The following CTNND2 variants were observed in gnomAD, a reference collection of about 807,000 sequenced individuals.
The protein encoded by CTNND2 is catenin delta-2.
Under a neutral mutation model 144.4 loss-of-function variants are expected in CTNND2, and 22 were observed. The observed-to-expected ratio is 0.15, with a 90% CI of 0.11 to 0.22. The LOEUF (loss-of-function observed/expected upper bound fraction) is 0.22, where lower values mean the gene tolerates loss of function less well. CTNND2 is among the 10% of genes least tolerant of loss of function. The pLI, the probability that CTNND2 is intolerant of heterozygous loss-of-function variation, is 1.00. For synonymous variants in CTNND2, 751 were observed against 695.6 expected (o/e 1.08, Z -1.25); for missense variants, 1,353 against 1,618.8 (o/e 0.84, Z 2.82).
intron 2 of CTNND2, among the ~76,000 whole-genome samples, chr5:11,716,909 C>T (rs1288720594): frequency 6.6e-6 from 1 of 151,904 alleles, no homozygotes; most frequent in Non-Finnish European, 1.5e-5. Flanking sequence ...CACTTTGCCA[C>T]CAGGCTGGAG....
intron 5 of CTNND2, among the ~76,000 whole-genome samples, chr5:11,401,650 T>G (rs978759742): frequency 6.6e-6 from 1 of 152,194 alleles, no homozygotes. Context: ...GCAGTTTCCA[T>G]CTACTAACCC....
intron 3 of CTNND2, among the ~76,000 whole-genome samples, chr5:11,557,924 AGCGGAAAATTC>A (rs1051387059): frequency 1.3e-5 from 2 of 152,212 alleles, no homozygotes; most frequent in African/African-American, 2.4e-5. Context: ...GAATTAGCCT[AGCGGAAAATTC>A]CAAAGAACGG....
At chr5:11,284,143 T>A (rs1424897421) in intron 9 of CTNND2, among the ~76,000 whole-genome samples, 1 of 152,238 alleles carries the variant, frequency 6.6e-6, no homozygotes, top group Non-Finnish European at 1.5e-5. Flanking sequence ...TCTGGTCATG[T>A]GAATTCTTCA....
At chr5:11,001,602 C>G (rs146802779) in intron 18 of CTNND2, among the ~76,000 whole-genome samples, 16 of 152,288 alleles carry the variant, frequency 1.1e-4, no homozygotes, top group African/African-American at 3.8e-4. Context: ...TTCTTACACT[C>G]TATTCTATAA....
intron 2 of CTNND2, among the ~76,000 whole-genome samples, chr5:11,624,393 T>C (rs1369462865): frequency 6.6e-6 from 1 of 152,140 alleles, no homozygotes; most frequent in Non-Finnish European, 1.5e-5. Flanking sequence ...GAAATGTGAG[T>C]ATCTCTATTT....
intron 3 of CTNND2, among the ~76,000 whole-genome samples, chr5:11,441,963 A>C (rs1203188431): frequency 6.6e-6 from 1 of 152,172 alleles, no homozygotes; most frequent in East Asian, 1.9e-4. Context: ...TGGCTTTTCT[A>C]ATTTTTTCCA....
chr5:11,630,204 T>C (rs1781347427), intron 2 of CTNND2, among the ~76,000 whole-genome samples: 1 of 152,204 alleles, frequency 6.6e-6, no homozygotes, highest in Non-Finnish European at 1.5e-5. Context: ...TGCTACACTT[T>C]ATTCCTTGAG....
intron 9 of CTNND2, among the ~76,000 whole-genome samples, chr5:11,316,468 T>TTTATTATTATTA (rs57708081): frequency 4.1e-5 from 3 of 73,380 alleles, no homozygotes; most frequent in African/African-American, 9.4e-5. Flanking sequence ...TCCACTATTT[T>TTTATTATTATTA]TTATTATTAT....
chr5:11,748,370 C>G (rs1788429729), intron 1 of CTNND2, among the ~76,000 whole-genome samples: 1 of 152,034 alleles, frequency 6.6e-6, no homozygotes, highest in African/African-American at 2.4e-5. Context: ...AAAGGTATTA[C>G]TGTAATTGTA....
chr5:11,492,106 C>T (rs994902958), intron 3 of CTNND2, among the ~76,000 whole-genome samples: 3 of 152,194 alleles, frequency 2.0e-5, no homozygotes, highest in East Asian at 3.9e-4. Flanking sequence ...ACACAGAATA[C>T]TACCATGCAC....
chr5:11,084,278 G>A (rs1749904212), intron 15 of CTNND2, among the ~76,000 whole-genome samples: 2 of 152,202 alleles, frequency 1.3e-5, no homozygotes, highest in South Asian at 4.1e-4. Context: ...TCCCCTCCCA[G>A]GGAGGAAGCC....
At chr5:11,110,455 C>T (rs1246178011) in intron 14 of CTNND2, among the ~76,000 whole-genome samples, 1 of 152,098 alleles carries the variant, frequency 6.6e-6, no homozygotes, top group Non-Finnish European at 1.5e-5. Flanking sequence ...GATCTTTGGC[C>T]TCCCTCTGTC....
At chr5:11,675,781 G>C (rs1784144744) in intron 2 of CTNND2, among the ~76,000 whole-genome samples, 1 of 151,812 alleles carries the variant, frequency 6.6e-6, no homozygotes, top group African/African-American at 2.4e-5. Context: ...TGTGTGTGTG[G>C]AGGCTTTGTT....
intron 2 of CTNND2, among the ~76,000 whole-genome samples, chr5:11,608,435 C>T (rs1400606649): frequency 2.0e-5 from 3 of 152,110 alleles, no homozygotes; most frequent in African/African-American, 4.8e-5. Context: ...ATTCCCATTC[C>T]ACCACTCTCC....
chr5:11,235,145 A>G (rs140025363), intron 10 of CTNND2, among the ~76,000 whole-genome samples: 126 of 152,304 alleles, frequency 8.3e-4, no homozygotes, highest in African/African-American at 3.0e-3. Flanking sequence ...TCGGCGGGGC[A>G]CTACAACACT....
chr5:11,441,790 T>A (rs911530282), intron 3 of CTNND2, among the ~76,000 whole-genome samples: 8 of 152,086 alleles, frequency 5.3e-5, no homozygotes, highest in African/African-American at 1.9e-4. Context: ...GGGAAGTGCA[T>A]CCATCATACT....
intron 16 of CTNND2, among the ~76,000 whole-genome samples, chr5:11,080,035 C>T (rs1350757457): frequency 6.6e-6 from 1 of 151,936 alleles, no homozygotes; most frequent in Admixed American, 6.6e-5. Context: ...GAAGAGACAA[C>T]CTACAGATTG....
At chr5:11,383,219 C>T (rs1314181590) in intron 7 of CTNND2, among the ~76,000 whole-genome samples, 4 of 152,082 alleles carry the variant, frequency 2.6e-5, no homozygotes, top group Non-Finnish European at 5.9e-5. Flanking sequence ...GACGCCTGGA[C>T]TCCCTGCGCC....
At chr5:11,351,486 A>G (rs1056704800) in intron 8 of CTNND2, among the ~76,000 whole-genome samples, 1 of 152,164 alleles carries the variant, frequency 6.6e-6, no homozygotes, top group African/African-American at 2.4e-5. Context: ...CTGCACAAAT[A>G]AGGGCCTAGT....
Sources: gnomAD v4.1 joint callset for allele counts (sites outside exome capture counted in the v4.1 genomes callset) on GRCh38, gnomAD v4.1.1 for gene constraint, MANE v1.5 for transcripts, NCBI Gene and HGNC (gene_info 2026-07-23, HGNC 2026-07-21) for gene names.